The following TOP1 variants were observed in gnomAD, a reference collection of about 807,000 sequenced individuals.
The protein encoded by TOP1 is DNA topoisomerase 1.
TOP1 carries 10 observed loss-of-function variants against 111.1 expected under a neutral mutation model. The observed-to-expected ratio is 0.09, with a 90% CI of 0.06 to 0.15. TOP1 has a LOEUF of 0.15. Ranked by LOEUF, TOP1 falls within the 10% of genes least tolerant of loss-of-function variation. The pLI is 1.00. For missense variants in TOP1, 474 were observed against 926.7 expected, an observed-to-expected ratio of 0.51 and a Z score of 6.34; for synonymous variants, 271 against 302.9, an observed-to-expected ratio of 0.89 and a Z score of 1.10.
chr20:41,100,220 G>A lies in TOP1; in HGVS notation c.1140G>A (p.Glu380=), dbSNP rs2034040321. 1 of 1,613,628 alleles carries A rather than the reference G, an allele frequency of 6.2e-7. No individual in the cohort carries two copies. The highest frequency in any genetic ancestry group is 1.7e-5 in the Admixed American group (1 of 59,906). Residue 380 remains glutamate (E), a synonymous_variant, in exon 12 of 21, where the codon GAG becomes GAA. Coordinates refer to ENST00000361337, the MANE Select transcript of TOP1 (RefSeq NM_003286.4). The surrounding 1 kb of genome is among the most constrained non-coding windows in gnomAD (Gnocchi z 4.4). ...TGCTGAAGAGACGAATCATGCCCGA[G>A]GATATAATCATCAACTGTAGCAAGT... The part of the protein sequence containing the change: ...MGMLKRRIMP[E]DIIINCSKDA...
rs2034208183 is a variant in TOP1 at position 41,109,975 on chromosome 20, C to T, written c.1309-2807C>T. ...AGGGAACTACTTATGTATTCAACAA[C>T]ATGGATGAATCTTAAAAACATGGTT... On this transcript the variant is annotated intron_variant, in intron 13 of 20. Transcript: ENST00000361337. The surrounding 1 kb of genome is among the most constrained non-coding windows in gnomAD (Gnocchi z 4.1). Among the ~76,000 whole-genome samples, 1 of 152,186 alleles carries T rather than the reference C, an allele frequency of 6.6e-6. No individual in the cohort carries two copies. Among genetic ancestry groups the T allele is most frequent in the African/African-American group, 2.4e-5 (1 of 41,442 alleles).
chr20:41,121,952 G>T lies in TOP1; in HGVS notation c.2046-54G>T. 1.9e-6 allele frequency: 3 copies of T among 1,604,972 alleles called. No individual in the cohort carries two copies. The highest frequency in any genetic ancestry group is 2.6e-6 in the Non-Finnish European group (3 of 1,174,888). On this transcript the variant is annotated intron_variant, in intron 19 of 20. Transcript: ENST00000361337. The surrounding 1 kb of genome is among the most constrained non-coding windows in gnomAD (Gnocchi z 4.2). ...CTCAAAGTGGCAGGATGGGTACAGT[G>T]TGCTCTTGTCTAGAGCCCAGGCCTG... is the stretch of plus-strand genomic sequence containing the variant.
Position 41,109,321 on chromosome 20 carries a change from C to T in TOP1, c.1309-3461C>T, listed in dbSNP as rs2145960570. Among the ~76,000 whole-genome samples the T allele has an allele frequency of 6.6e-6, 1 of 152,178 alleles. No homozygotes were observed. The highest frequency in any genetic ancestry group is 1.9e-4 in the East Asian group (1 of 5,192). ...GTATAAAATTCAAAACGTTTTAAAT[C>T]TATTTATTAGTAAGACTAACATAGA... On this transcript the variant is annotated intron_variant, in intron 13 of 20. Transcript: ENST00000361337. This position sits in a 1 kb window ranked among gnomAD's most constrained non-coding sequence, Gnocchi z 4.1.
At chr20:41,031,755 G>A (rs1395429091) in intron 2 of TOP1, among the ~76,000 whole-genome samples, 1 of 152,086 alleles carries the variant, frequency 6.6e-6, no homozygotes. Flanking sequence ...AATCCCATGA[G>A]CTGAGCCACT....
intron 3 of TOP1, chr20:41,073,069 T>C: frequency 1.0e-6 from 1 of 985,378 alleles, no homozygotes. Context: ...CGTTGACTTT[T>C]GGCTTCCTGG....
Position 41,097,091 on chromosome 20 carries a change from T to C in TOP1, c.731-129T>C. ...ATGTTGTCTTTGTTGTTGTTGCTAC[T>C]ATGTGTCACCAGACCTTTATATACC... On this transcript the variant is annotated intron_variant, in intron 9 of 20. Transcript: ENST00000361337. This position sits in a 1 kb window ranked among gnomAD's most constrained non-coding sequence, Gnocchi z 4.2. The C allele has an allele frequency of 1.1e-6, 1 of 881,022 alleles. No homozygotes were observed. The allele number at this position is 881,022 out of a possible 1,614,324, so 54.6% of individuals were successfully genotyped here. A position where few individuals can be genotyped will look rare whatever the true frequency, so the allele number is the denominator to read the frequency against.
intron 2 of TOP1, among the ~76,000 whole-genome samples, chr20:41,044,523 C>A (rs1337737786): frequency 6.6e-6 from 1 of 152,150 alleles, no homozygotes; most frequent in Admixed American, 6.5e-5. Flanking sequence ...TCATTGAGGG[C>A]CTGATTCTCC....
In TOP1 at chr20:41,076,612, G is replaced by A. The variant is rs115293151; in HGVS notation, c.279+318G>A. On this transcript the variant is annotated intron_variant, in intron 4 of 20. Coordinates refer to ENST00000361337, the MANE Select transcript of TOP1 (RefSeq NM_003286.4). ...CTTGATGGTCTTCTGTTCATTAAAG[G>A]TTCTTCCCGAGTGAAAATTTAGTGA... 2.2e-3 allele frequency among the ~76,000 whole-genome samples: 330 copies of A among 152,282 alleles called. 1 individual carries two copies. The highest frequency in any genetic ancestry group is 6.5e-3 in the African/African-American group (271 of 41,550).
chr20:41,029,171 C>T lies in TOP1; in HGVS notation c.33+71C>T, dbSNP rs1462815488. On this transcript the variant is annotated intron_variant, in intron 1 of 20. Coordinates refer to ENST00000361337, the MANE Select transcript of TOP1 (RefSeq NM_003286.4). This position sits in a 1 kb window ranked among gnomAD's most constrained non-coding sequence, Gnocchi z 6.1. ...GTCCCGCGACCCCCGGCGCAGGCCC[C>T]GACCCCAGCCCCGGCCCGGCAGCTT... is the stretch of plus-strand genomic sequence containing the variant. The T allele has an allele frequency of 8.2e-7, 1 of 1,223,548 alleles. No individual in the cohort carries two copies. The highest frequency in any genetic ancestry group is 1.1e-6 in the Non-Finnish European group (1 of 930,204). 75.8% of individuals were successfully genotyped at this position (1,223,548 alleles called of 1,614,324 possible). A position where few individuals can be genotyped will look rare whatever the true frequency, so the allele number is the denominator to read the frequency against.
rs144580811 is a variant in TOP1, at chr20:41,112,892, G to T, written c.1419G>T (p.Arg473=). 164 of 1,614,230 alleles carry T rather than the reference G, an allele frequency of 1.0e-4. 1 individual carries two copies. The African/African-American group carries it at 2.0e-3, about 20-fold the overall frequency. The change falls in exon 14 of 21, where the codon CGG becomes CGT. Residue 473 remains arginine (R), a synonymous_variant. Coordinates refer to ENST00000361337, the MANE Select transcript of TOP1 (RefSeq NM_003286.4). The surrounding 1 kb of genome is among the most constrained non-coding windows in gnomAD (Gnocchi z 5.8). ...GGAAGTCCAAAGAGATGAAAGTCCG[G>T]CAGAGAGCTGTAGCCCTGTACTTCA... ...EDWKSKEMKV[R]QRAVALYFID...
At chr20:41,050,347 T>C (rs1322696235) in intron 2 of TOP1, among the ~76,000 whole-genome samples, 1 of 152,242 alleles carries the variant, frequency 6.6e-6, no homozygotes, top group African/African-American at 2.4e-5. Flanking sequence ...AGGGTTTCTT[T>C]AGAGCTGAAT....
At chr20:41,090,475 G>A (rs147136372) in intron 8 of TOP1, among the ~76,000 whole-genome samples, 83 of 152,202 alleles carry the variant, frequency 5.5e-4, no homozygotes, top group Middle Eastern at 6.8e-3. Context: ...GTCCTTTGAT[G>A]CACAGAAGTT....
At chr20:41,120,193 A>G (rs895119479) in intron 18 of TOP1, among the ~76,000 whole-genome samples, 13 of 152,274 alleles carry the variant, frequency 8.5e-5, no homozygotes, top group Admixed American at 4.6e-4. Flanking sequence ...CTACATTTCT[A>G]TCCTAAAAAG....
Position 41,029,154 on chromosome 20 carries a change from A to C in TOP1, c.33+54A>C, listed in dbSNP as rs1600546703. 7.3e-7 allele frequency: 1 copy of C among 1,366,724 alleles called. No homozygotes were observed. Among genetic ancestry groups the C allele is most frequent in the Non-Finnish European group, 9.6e-7 (1 of 1,044,068 alleles). The allele number at this position is 1,366,724 out of a possible 1,614,324, so 84.7% of individuals were successfully genotyped here. On this transcript the variant is annotated intron_variant, in intron 1 of 20. Transcript: ENST00000361337. The surrounding 1 kb of genome is among the most constrained non-coding windows in gnomAD (Gnocchi z 6.1). ...CGGACCCCGGCCTGGCCGTCCCGCG[A>C]CCCCCGGCGCAGGCCCCGACCCCAG...
Position 41,032,174 on chromosome 20 carries a change from G to C in TOP1, c.58+2719G>C, listed in dbSNP as rs572315072. Among the ~76,000 whole-genome samples, 1 of 152,242 alleles carries C rather than the reference G, an allele frequency of 6.6e-6. No individual in the cohort carries two copies. The highest frequency in any genetic ancestry group is 1.5e-5 in the Non-Finnish European group (1 of 68,016). ...CCCATCTTACAGATTAACTGTACAAGTTCATATATTAAAATCAAACGTCTC... is the reference window on the plus strand; with the variant it reads ...CCCATCTTACAGATTAACTGTACAACTTCATATATTAAAATCAAACGTCTC... On this transcript the variant is annotated intron_variant, in intron 2 of 20. Coordinates refer to ENST00000361337, the MANE Select transcript of TOP1 (RefSeq NM_003286.4). This position sits in a 1 kb window ranked among gnomAD's most constrained non-coding sequence, Gnocchi z 4.3.
Position 41,081,157 on chromosome 20 carries a change from C to T in TOP1, c.432-8C>T. On this transcript the variant is annotated splice_region_variant and splice_polypyrimidine_tract_variant and intron_variant, in intron 6 of 20. Transcript: ENST00000361337. Reference sequence around the variant, plus strand: ...ATGTTAACTGTGTATTCATGTTCCCCTTTCTAGTGCTGATTATAAACCTAA... The same window carrying T: ...ATGTTAACTGTGTATTCATGTTCCCTTTTCTAGTGCTGATTATAAACCTAA... 1.3e-6 allele frequency: 2 copies of T among 1,589,114 alleles called. No homozygotes were observed. The highest frequency in any genetic ancestry group is 1.7e-6 in the Non-Finnish European group (2 of 1,167,178).
chr20:41,072,794 C>T (rs1375710932), intron 3 of TOP1: 4 of 985,312 alleles, frequency 4.1e-6, no homozygotes, highest in African/African-American at 1.7e-5. Flanking sequence ...AAATTTCTAA[C>T]AGTCTCCAAT....
At chr20:41,063,289 T>C (rs1247407454) in intron 3 of TOP1, among the ~76,000 whole-genome samples, 1 of 152,220 alleles carries the variant, frequency 6.6e-6, no homozygotes, top group East Asian at 1.9e-4. Context: ...TTTATGACCG[T>C]ATAGTATTCC....
Position 41,110,658 on chromosome 20 carries a change from A to G in TOP1, c.1309-2124A>G, listed in dbSNP as rs2034222149. On this transcript the variant is annotated intron_variant, in intron 13 of 20. Coordinates refer to ENST00000361337, the MANE Select transcript of TOP1 (RefSeq NM_003286.4). The surrounding 1 kb of genome is among the most constrained non-coding windows in gnomAD (Gnocchi z 4.2). ...AAAAGTCATCCAAAGAATGTCATCT[A>G]CAATCAGTTAAATTAGATTTTTACC... is the stretch of plus-strand genomic sequence containing the variant. Among the ~76,000 whole-genome samples, 1 of 152,234 alleles carries G rather than the reference A, an allele frequency of 6.6e-6. No homozygotes were observed. The highest frequency in any genetic ancestry group is 1.5e-5 in the Non-Finnish European group (1 of 68,038).
Sources: allele counts gnomAD v4.1 joint callset (sites outside exome capture counted in the v4.1 genomes callset), GRCh38; gene constraint gnomAD v4.1.1; non-coding constraint Gnocchi (gnomAD v3.1); transcripts MANE v1.5; gene names NCBI Gene and HGNC (gene_info 2026-07-23, HGNC 2026-07-21).